The following RGS6 variants were observed in gnomAD, a reference collection of about 807,000 sequenced individuals.
RGS6 encodes regulator of G-protein signaling 6.
RGS6 carries 30 observed loss-of-function variants against 78.5 expected under a neutral mutation model. The observed-to-expected ratio is 0.38, with a 90% CI of 0.29 to 0.52. RGS6 has a LOEUF of 0.52. Among genes scored for constraint, RGS6 ranks in the 20% least tolerant of loss-of-function variants. The pLI, the probability that RGS6 is intolerant of heterozygous loss-of-function variation, is 0.85. For missense variants in RGS6, 495 were observed against 609.7 expected (o/e 0.81, Z 1.98); for synonymous variants, 206 against 206.0 (o/e 1.00, Z 0.00).
chr14:71,909,625 G>A, the RGS6 span, among the ~76,000 whole-genome samples: 1 of 149,994 alleles, frequency 6.7e-6, no homozygotes, highest in African/African-American at 2.5e-5. Context: ...AGAGAGGGGG[G>A]AAAGAGAGAG....
intron 2 of RGS6, among the ~76,000 whole-genome samples, chr14:72,335,088 C>G (rs1233038355): frequency 7.1e-6 from 1 of 140,932 alleles, no homozygotes; most frequent in South Asian, 2.2e-4. Flanking sequence ...TGCACAAGCT[C>G]TCTCTTGCCT....
intron 2 of RGS6, among the ~76,000 whole-genome samples, chr14:72,022,864 T>C (rs919879544): frequency 2.0e-5 from 3 of 148,174 alleles, no homozygotes; most frequent in East Asian, 3.9e-4. Context: ...CAACCTTTGC[T>C]GAACATACTC....
chr14:72,562,083 A>T (rs2097683566), intron 17 of RGS6, among the ~76,000 whole-genome samples: 1 of 152,214 alleles, frequency 6.6e-6, no homozygotes, highest in African/African-American at 2.4e-5. Flanking sequence ...ATTTCAGGGC[A>T]GCCCGCCGGC....
At chr14:72,298,447 TTTTTTTTTCC>T (rs1208510273) in intron 2 of RGS6, among the ~76,000 whole-genome samples, 111 of 81,606 alleles carry the variant, frequency 1.4e-3, no homozygotes, top group African/African-American at 0.011. Context: ...TTTTTTTTTT[TTTTTTTTTCC>T]CCCCCTCTGA....
the RGS6 span, among the ~76,000 whole-genome samples, chr14:71,911,949 G>C: frequency 6.6e-6 from 1 of 152,180 alleles, no homozygotes; most frequent in African/African-American, 2.4e-5. Flanking sequence ...AACCATGCAT[G>C]TTGCTTACGT....
chr14:72,410,103 G>C (rs543630385), intron 3 of RGS6, among the ~76,000 whole-genome samples: 14 of 152,296 alleles, frequency 9.2e-5, no homozygotes, highest in South Asian at 8.3e-4. Context: ...TGGGTCAAAT[G>C]GTATTTCTAG....
At chr14:71,878,189 T>C in the RGS6 span, among the ~76,000 whole-genome samples, 1 of 152,144 alleles carries the variant, frequency 6.6e-6, no homozygotes, top group Non-Finnish European at 1.5e-5. Context: ...GCTGGGGGAA[T>C]GACTACTCTC....
At chr14:72,514,709 G>A (rs1323116344) in intron 14 of RGS6, among the ~76,000 whole-genome samples, 1 of 152,244 alleles carries the variant, frequency 6.6e-6, no homozygotes, top group East Asian at 1.9e-4. Flanking sequence ...ATTAGTCCTT[G>A]TGGCCTGCCA....
At chr14:72,024,149 A>G (rs1336917585) in intron 2 of RGS6, among the ~76,000 whole-genome samples, 1 of 152,206 alleles carries the variant, frequency 6.6e-6, no homozygotes, top group Non-Finnish European at 1.5e-5. Flanking sequence ...AGGCTTTGTA[A>G]TTCTGCCCTG....
chr14:72,320,080 T>TA (rs1176430284), intron 2 of RGS6, among the ~76,000 whole-genome samples: 1 of 151,874 alleles, frequency 6.6e-6, no homozygotes, highest in African/African-American at 2.4e-5. Flanking sequence ...GACCACAGTT[T>TA]AAAAAAAACC....
At chr14:71,989,968 G>A (rs1475667372) in intron 2 of RGS6, among the ~76,000 whole-genome samples, 1 of 70,866 alleles carries the variant, frequency 1.4e-5, no homozygotes, top group Non-Finnish European at 3.6e-5. Context: ...ATAAAGAAAA[G>A]AGGATTTATA....
intron 2 of RGS6, among the ~76,000 whole-genome samples, chr14:72,101,863 T>G (rs915671349): frequency 1.3e-5 from 2 of 152,218 alleles, no homozygotes; most frequent in East Asian, 3.8e-4. Context: ...TTTAAAAGAC[T>G]AGGACATTCT....
intron 13 of RGS6, among the ~76,000 whole-genome samples, chr14:72,506,476 G>A (rs1410700261): frequency 1.3e-5 from 2 of 152,206 alleles, no homozygotes; most frequent in Admixed American, 6.5e-5. Context: ...CCATTCAGTG[G>A]TAACAACATG....
intron 2 of RGS6, among the ~76,000 whole-genome samples, chr14:72,090,922 T>G (rs2095248138): frequency 1.3e-5 from 2 of 152,178 alleles, no homozygotes; most frequent in Non-Finnish European, 2.9e-5. Flanking sequence ...GCCCTTATTT[T>G]CTTTTGGCCA....
intron 3 of RGS6, among the ~76,000 whole-genome samples, chr14:72,361,925 G>T (rs942376929): frequency 8.5e-5 from 13 of 152,186 alleles, no homozygotes; most frequent in Admixed American, 2.6e-4. Flanking sequence ...TATATAAAGT[G>T]TGGGAGGGAA....
intron 2 of RGS6, among the ~76,000 whole-genome samples, chr14:72,178,840 A>C (rs2097138729): frequency 6.6e-6 from 1 of 152,226 alleles, no homozygotes; most frequent in Non-Finnish European, 1.5e-5. Context: ...TAAATAGTTC[A>C]AACTTTCAGA....
intron 8 of RGS6, among the ~76,000 whole-genome samples, chr14:72,471,601 C>T (rs2096077450): frequency 6.6e-6 from 1 of 152,148 alleles, no homozygotes; most frequent in South Asian, 2.1e-4. Flanking sequence ...CAGCTATGGT[C>T]ACAGTTGGAA....
chr14:72,577,812 A>C, the RGS6 span, among the ~76,000 whole-genome samples: 3 of 152,204 alleles, frequency 2.0e-5, no homozygotes, highest in African/African-American at 7.2e-5. Context: ...AGGAGGAGCA[A>C]GATGAGTGGT....
intron 2 of RGS6, among the ~76,000 whole-genome samples, chr14:72,331,243 T>C (rs1236960786): frequency 9.7e-6 from 1 of 102,792 alleles, no homozygotes; most frequent in African/African-American, 5.9e-5. Flanking sequence ...AACCACCCTG[T>C]CGTTCAAAAA....
Sources: gnomAD v4.1 joint callset for allele counts (sites outside exome capture counted in the v4.1 genomes callset) on GRCh38, gnomAD v4.1.1 for gene constraint, MANE v1.5 for transcripts, NCBI Gene and HGNC (gene_info 2026-07-23, HGNC 2026-07-21) for gene names.